The following EIF3L variants were observed in gnomAD, a reference collection of about 807,000 sequenced individuals.
EIF3L encodes eIEF associated protein HSPC021.
EIF3L carries 32 observed loss-of-function variants against 74.6 expected under a neutral mutation model. That is an observed-to-expected ratio of 0.43 (90% CI 0.32 to 0.58). EIF3L has a LOEUF of 0.58. EIF3L is among the 20% of genes least tolerant of loss of function. The probability of loss-of-function intolerance (pLI) is 0.06; values close to 1 mark genes in which losing one functional copy is unlikely to be tolerated. For synonymous variants in EIF3L, 256 were observed against 254.4 expected, an observed-to-expected ratio of 1.01 and a Z score of -0.06; for missense variants, 474 against 707.8, an observed-to-expected ratio of 0.67 and a Z score of 3.75.
At chr22:37,877,472 G>T (rs1248968677) in intron 10 of EIF3L, 1 of 600,452 alleles carries the variant, frequency 1.7e-6, no homozygotes, top group Non-Finnish European at 2.8e-6. Context: ...CCAGAAGATG[G>T]CTAAGGAGGA....
intron 6 of EIF3L, 47 bp from the exon 7 acceptor site, chr22:37,863,225 G>T (rs1426253270): frequency 6.6e-7 from 1 of 1,512,370 alleles, no homozygotes; most frequent in Non-Finnish European, 9.1e-7. Flanking sequence ...TACAGAATGG[G>T]CAGAGTCATT....
intron 7 of EIF3L, among the ~76,000 whole-genome samples, chr22:37,866,003 G>A (rs1468068323): frequency 2.0e-5 from 3 of 152,136 alleles, no homozygotes; most frequent in African/African-American, 4.8e-5. Context: ...ATGCCACATG[G>A]GGTAGGTGGC....
At chr22:37,870,464 C>G in intron 8 of EIF3L, 117 bp downstream of exon 8, 1 of 1,026,880 alleles carries the variant, frequency 9.7e-7, no homozygotes, top group African/African-American at 1.6e-5. Flanking sequence ...AGGTGGTGGT[C>G]TGTTGACTCT....
chr22:37,870,286 C>G lies in EIF3L; in HGVS notation c.690C>G (p.Val230=). The stretch of plus-strand genomic sequence containing the variant: ...GGAATGTTCATAGTGTCCTCAATGT[C>G]CTTCATTCCCTGGTAGACAAATCCA... The part of the protein sequence containing the change: ...KIWNVHSVLN[V]LHSLVDKSNI... The change falls in exon 8 of 13, where the codon GTC becomes GTG. Residue 230 remains valine (V), a synonymous_variant. Transcript: ENST00000652021. 2 of 1,613,890 alleles carry G rather than the reference C, an allele frequency of 1.2e-6. No homozygotes were observed. Among genetic ancestry groups the G allele is most frequent in the African/African-American group, 1.3e-5 (1 of 75,034 alleles).
chr22:37,867,010 C>T (rs757904497), intron 7 of EIF3L, among the ~76,000 whole-genome samples: 4 of 152,086 alleles, frequency 2.6e-5, no homozygotes, highest in Admixed American at 1.3e-4. Flanking sequence ...TTACTACCAG[C>T]GGTGTTTGAG....
intron 4 of EIF3L, 42 bp downstream of exon 4, chr22:37,855,686 CAGTGGCTG>C: frequency 6.5e-7 from 1 of 1,529,736 alleles, no homozygotes. Flanking sequence ...GAGTGGAATC[CAGTGGCTG>C]AGTCATTAGA....
chr22:37,868,633 G>GCT, intron 7 of EIF3L, among the ~76,000 whole-genome samples: 1 of 27,666 alleles, frequency 3.6e-5, no homozygotes, highest in African/African-American at 1.7e-4. Context: ...TTGTTTTGGT[G>GCT]CTTTTTTTTT....
Position 37,863,018 on chromosome 22 carries a change from A to G in EIF3L, c.485A>G (p.Asn162Ser), listed in dbSNP as rs1221333229. ...TTTGAATCCTATTACAACTACTGCA[A>G]TCTCTTCAACTACATTCTTAGTGAG... ...QRFESYYNYC[N>S]LFNYILNADG... Residue 162 changes from asparagine to serine, a missense_variant, in exon 6 of 13, where the codon AAT (asparagine) becomes AGT (serine). By Grantham distance (46) the Asn-to-Ser change is conservative. Around this residue, in one of 4 missense-constraint regions of EIF3L, gnomAD observed 141 missense variants for 197.7 expected, o/e 0.71. Coordinates refer to ENST00000652021, the MANE Select transcript of EIF3L (RefSeq NM_016091.4). 2.5e-6 allele frequency: 4 copies of G among 1,613,486 alleles called. No individual in the cohort carries two copies. Among genetic ancestry groups the G allele is most frequent in the Admixed American group, 1.7e-5 (1 of 59,896 alleles).
At chr22:37,864,561 T>C (rs1363296376) in intron 7 of EIF3L, among the ~76,000 whole-genome samples, 4 of 147,392 alleles carry the variant, frequency 2.7e-5, no homozygotes, top group Non-Finnish European at 4.5e-5. Flanking sequence ...TTTTTGGAGA[T>C]GGAGTCTGAC....
At chr22:37,863,129 C>T in intron 6 of EIF3L, 91 bp downstream of exon 6, 1 of 1,198,710 alleles carries the variant, frequency 8.3e-7, no homozygotes, top group Admixed American at 2.5e-5. Context: ...TTTAAATTAG[C>T]AGGATCTTAA....
chr22:37,854,243 G>A (rs1177559379), intron 3 of EIF3L, among the ~76,000 whole-genome samples: 1 of 152,210 alleles, frequency 6.6e-6, no homozygotes, highest in Non-Finnish European at 1.5e-5. Flanking sequence ...AGAAGAAACT[G>A]AGGAAGAGAG....
intron 5 of EIF3L, among the ~76,000 whole-genome samples, chr22:37,859,823 G>A (rs966239607): frequency 6.6e-6 from 1 of 152,064 alleles, no homozygotes; most frequent in South Asian, 2.1e-4. Flanking sequence ...GGCCAACATG[G>A]AGAAACCTCG....
intron 4 of EIF3L, among the ~76,000 whole-genome samples, chr22:37,857,421 A>T (rs891920171): frequency 2.0e-5 from 3 of 150,530 alleles, no homozygotes; most frequent in Non-Finnish European, 2.9e-5. Context: ...ATCTATGGAC[A>T]TGGGATGTCT....
intron 5 of EIF3L, among the ~76,000 whole-genome samples, chr22:37,862,551 T>C (rs1569114414): frequency 6.6e-6 from 1 of 152,224 alleles, no homozygotes; most frequent in Non-Finnish European, 1.5e-5. Flanking sequence ...CTGACCTAGA[T>C]GCTTGTTTGG....
rs183257663 is a variant in EIF3L, at chr22:37,867,581, C to T, written c.580-2595C>T. Reference sequence around the variant, plus strand: ...GCTGAGGGATGAGAATCACTTGAACCGAGAGGCAGAGGTTGCAGTGAGCTG... The same window carrying T: ...GCTGAGGGATGAGAATCACTTGAACTGAGAGGCAGAGGTTGCAGTGAGCTG... On this transcript the variant is annotated intron_variant, in intron 7 of 12. Transcript: ENST00000652021. 2.8e-3 allele frequency among the ~76,000 whole-genome samples: 413 copies of T among 149,762 alleles called. 3 individuals are homozygous for T. The highest frequency in any genetic ancestry group is 0.024 in the Middle Eastern group (7 of 290).
At chr22:37,873,338 G>T (rs1180383057) in intron 8 of EIF3L, among the ~76,000 whole-genome samples, 9 of 142,922 alleles carry the variant, frequency 6.3e-5, no homozygotes, top group Admixed American at 1.5e-4. Flanking sequence ...TCGCTCTGTT[G>T]CCCAGGCTGG....
At chr22:37,854,914 T>G (rs1383384354) in intron 3 of EIF3L, among the ~76,000 whole-genome samples, 2 of 152,198 alleles carry the variant, frequency 1.3e-5, no homozygotes, top group Non-Finnish European at 2.9e-5. Flanking sequence ...GTGTTGAGAT[T>G]ACAGGCGTGA....
chr22:37,858,459 G>T (rs1001194116), intron 4 of EIF3L: 3 of 561,142 alleles, frequency 5.3e-6, no homozygotes, highest in Non-Finnish European at 9.3e-6. Context: ...AAAGGAAATA[G>T]ATCTGAATGA....
At position 37,870,165 on chromosome 22, in the gene EIF3L, T is replaced by G. The variant is rs565005065; in HGVS notation, c.580-11T>G. 6.9e-6 allele frequency: 11 copies of G among 1,584,424 alleles called. No individual in the cohort carries two copies. Among genetic ancestry groups the G allele is most frequent in the African/African-American group, 4.0e-5 (3 of 74,180 alleles). On this transcript the variant is annotated splice_polypyrimidine_tract_variant and intron_variant, in intron 7 of 12. Transcript: ENST00000652021. ...ATACCACTACTGCATGTTTCTTTTC[T>G]TCCTCAACAGTTTCAGTCATTCAGT...
Sources: gnomAD v4.1 joint callset for allele counts (sites outside exome capture counted in the v4.1 genomes callset) on GRCh38, gnomAD v4.1.1 for gene constraint, gnomAD v4.1.1 regional missense constraint, MANE v1.5 for transcripts, NCBI Gene and HGNC (gene_info 2026-07-23, HGNC 2026-07-21) for gene names.